The following C6 variants were observed in gnomAD, a reference collection of about 807,000 sequenced individuals.
C6 encodes complement component C6.
C6 carries 101 observed loss-of-function variants against 112.9 expected under a neutral mutation model. The ratio of observed to expected loss-of-function variants is 0.89; its 90% CI spans 0.76 to 1.06. The LOEUF is 1.06. Ranked by LOEUF, C6 falls within the 50% of genes least tolerant of loss-of-function variation. The pLI is 0.00. For missense variants in C6, 1,202 were observed against 1,104.6 expected (o/e 1.09, Z -1.25); for synonymous variants, 431 against 384.1 (o/e 1.12, Z -1.43).
intron 1 of C6, among the ~76,000 whole-genome samples, chr5:41,208,418 A>C (rs55944224): frequency 3.9e-5 from 6 of 152,048 alleles, no homozygotes; most frequent in Non-Finnish European, 8.8e-5. Context: ...TTCAAAAAAT[A>C]AATGAATCCA....
At chr5:41,225,217 C>G (rs1480755263) in intron 1 of C6, among the ~76,000 whole-genome samples, 1 of 152,102 alleles carries the variant, frequency 6.6e-6, no homozygotes, top group Non-Finnish European at 1.5e-5. Context: ...CCTCCCCTCT[C>G]CCCCAACCCC....
intron 15 of C6, among the ~76,000 whole-genome samples, chr5:41,152,547 A>G (rs1746506676): frequency 6.6e-6 from 1 of 152,196 alleles, no homozygotes; most frequent in East Asian, 1.9e-4. Flanking sequence ...AAGGTTTGAT[A>G]AGGAAAGGTG....
chr5:41,164,025 A>G (rs73750300), intron 9 of C6, among the ~76,000 whole-genome samples: 4,188 of 151,028 alleles, frequency 0.028, 188 homozygotes, highest in African/African-American at 0.091. Context: ...CAGACTCTCA[A>G]TGAGTATATG....
intron 1 of C6, among the ~76,000 whole-genome samples, chr5:41,229,245 T>G (rs1398189216): frequency 6.6e-6 from 1 of 152,104 alleles, no homozygotes; most frequent in South Asian, 2.1e-4. Context: ...GTTTTTCTTT[T>G]TCTTGTTTCT....
intron 16 of C6, 29 bp downstream of exon 16, chr5:41,149,906 C>T (rs765185446): frequency 8.6e-5 from 129 of 1,499,436 alleles, no homozygotes; most frequent in Middle Eastern, 1.7e-4. Flanking sequence ...TTCCCAATTT[C>T]CAGACACAGT....
intron 1 of C6, among the ~76,000 whole-genome samples, chr5:41,237,139 A>G (rs1302476641): frequency 7.7e-6 from 1 of 130,670 alleles, no homozygotes; most frequent in Non-Finnish European, 1.6e-5. Flanking sequence ...GCCGAATTCT[A>G]CCAGAGGTAC....
At chr5:41,143,973 C>T (rs972288620) in intron 17 of C6, among the ~76,000 whole-genome samples, 2 of 152,172 alleles carry the variant, frequency 1.3e-5, no homozygotes, top group Non-Finnish European at 2.9e-5. Context: ...TTTATAGGCT[C>T]ATATATTCTA....
intron 1 of C6, chr5:41,203,488 C>A (rs776568499): frequency 7.9e-5 from 37 of 471,186 alleles, no homozygotes; most frequent in Non-Finnish European, 1.2e-4. Context: ...TTTCTTCAAA[C>A]GGTTAGTGAT....
At chr5:41,151,862 A>G (rs1019328214) in intron 15 of C6, among the ~76,000 whole-genome samples, 36 of 151,728 alleles carry the variant, frequency 2.4e-4, no homozygotes, top group Non-Finnish European at 4.3e-4. Flanking sequence ...AGATAAGGAA[A>G]AAAAAAAAAA....
Position 41,181,433 on chromosome 5 carries a change from A to T in C6, c.853T>A (p.Tyr285Asn). 1 of 1,613,794 alleles carries T rather than the reference A, an allele frequency of 6.2e-7. No individual in the cohort carries two copies. The highest frequency in any genetic ancestry group is 1.1e-5 in the South Asian group (1 of 91,078). ...GGSSFSVPIF[Y>N]SSKRSENINH... is the part of the protein sequence containing the mutation. ...ATATTTTCACTTCTCTTTGAGGAATAAAAAATTGGTACACTGAAAGAGCTC... is the reference window on the plus strand; with the variant it reads ...ATATTTTCACTTCTCTTTGAGGAATTAAAAATTGGTACACTGAAAGAGCTC... Residue 285 changes from tyrosine to asparagine, a missense_variant, in exon 7 of 18, where the codon TAT becomes AAT. Transcript: ENST00000337836.
At chr5:41,249,609 T>C (rs2150436245) in intron 1 of C6, among the ~76,000 whole-genome samples, 1 of 152,352 alleles carries the variant, frequency 6.6e-6, no homozygotes, top group South Asian at 2.1e-4. Flanking sequence ...TAGCCAGATG[T>C]GTTTTGAATA....
chr5:41,247,333 A>G (rs1026503883), intron 1 of C6, among the ~76,000 whole-genome samples: 2 of 152,224 alleles, frequency 1.3e-5, no homozygotes, highest in African/African-American at 4.8e-5. Flanking sequence ...CGTCAGTAAA[A>G]TTTTAGGGTA....
At chr5:41,252,006 G>A (rs373695943) in intron 1 of C6, among the ~76,000 whole-genome samples, 16 of 152,328 alleles carry the variant, frequency 1.1e-4, no homozygotes, top group African/African-American at 3.8e-4. Flanking sequence ...TATGGCAAAA[G>A]ATTTTATAGC....
chr5:41,252,043 C>T (rs1022339532), intron 1 of C6, among the ~76,000 whole-genome samples: 1 of 152,164 alleles, frequency 6.6e-6, no homozygotes, highest in African/African-American at 2.4e-5. Context: ...GATGCTTGGG[C>T]CACATGTGTG....
intron 6 of C6, among the ~76,000 whole-genome samples, chr5:41,184,935 C>T (rs1749653577): frequency 6.6e-6 from 1 of 152,144 alleles, no homozygotes; most frequent in Admixed American, 6.5e-5. Context: ...GCTCCAGCCT[C>T]ATATACTTCC....
At chr5:41,247,344 C>G (rs1480089602) in intron 1 of C6, among the ~76,000 whole-genome samples, 1 of 151,936 alleles carries the variant, frequency 6.6e-6, no homozygotes, top group Non-Finnish European at 1.5e-5. Flanking sequence ...TTTTAGGGTA[C>G]AAAACTAATG....
intron 9 of C6, among the ~76,000 whole-genome samples, chr5:41,165,809 T>C (rs1747928601): frequency 6.6e-6 from 1 of 152,172 alleles, no homozygotes; most frequent in South Asian, 2.1e-4. Context: ...GATTAAACTC[T>C]TGATGTTGAT....
At chr5:41,197,253 T>A (rs949920661) in intron 4 of C6, among the ~76,000 whole-genome samples, 2 of 152,136 alleles carry the variant, frequency 1.3e-5, no homozygotes, top group Non-Finnish European at 2.9e-5. Flanking sequence ...AGGACTATTA[T>A]TATAAAGAAT....
At chr5:41,227,701 T>G (rs2150410186) in intron 1 of C6, among the ~76,000 whole-genome samples, 1 of 151,816 alleles carries the variant, frequency 6.6e-6, no homozygotes, top group South Asian at 2.1e-4. Flanking sequence ...ATATCCATCT[T>G]TTCCAACACT....
Sources: gnomAD v4.1 joint callset for allele counts (sites outside exome capture counted in the v4.1 genomes callset) on GRCh38, gnomAD v4.1.1 for gene constraint, MANE v1.5 for transcripts, NCBI Gene and HGNC (gene_info 2026-07-23, HGNC 2026-07-21) for gene names.